Variants in OSBPL6 observed in about 807,000 individuals in gnomAD.
The protein encoded by OSBPL6 is oxysterol-binding protein-related protein 6.
In OSBPL6, 49 loss-of-function variants were observed where a neutral mutation model predicts 125.8. That is an observed-to-expected ratio of 0.39 (90% CI 0.31 to 0.49). OSBPL6 has a LOEUF of 0.49. OSBPL6 is among the 20% of genes least tolerant of loss of function. The pLI is 0.88. For synonymous variants in OSBPL6, 394 were observed against 391.8 expected, an observed-to-expected ratio of 1.01 and a Z score of -0.07; for missense variants, 986 against 1,135.4, an observed-to-expected ratio of 0.87 and a Z score of 1.89.
chr2:178,363,599 A>G (rs1310268615), intron 13 of OSBPL6, among the ~76,000 whole-genome samples: 1 of 152,176 alleles, frequency 6.6e-6, no homozygotes, highest in Non-Finnish European at 1.5e-5. Flanking sequence ...TCTTGGAGGA[A>G]TCAGACCTTG....
At chr2:178,336,165 C>G (rs964861907) in intron 8 of OSBPL6, 136 bp from the exon 9 acceptor site, 18 of 1,135,868 alleles carry the variant, frequency 1.6e-5, no homozygotes, top group Non-Finnish European at 2.2e-5. Flanking sequence ...CCACATTTAG[C>G]CAAGAGGCTT....
intron 12 of OSBPL6, among the ~76,000 whole-genome samples, chr2:178,361,194 T>C (rs933762213): frequency 2.0e-5 from 3 of 152,226 alleles, no homozygotes; most frequent in African/African-American, 7.2e-5. Context: ...CAAAACTTCT[T>C]GATCAGCCAC....
At chr2:178,205,686 A>G (rs2089489590) in intron 1 of OSBPL6, among the ~76,000 whole-genome samples, 1 of 152,210 alleles carries the variant, frequency 6.6e-6, no homozygotes, top group East Asian at 1.9e-4. Context: ...TTTCCCGTAT[A>G]TATGCCCAAG....
At chr2:178,365,974 T>C (rs1424301413) in intron 13 of OSBPL6, among the ~76,000 whole-genome samples, 5 of 152,166 alleles carry the variant, frequency 3.3e-5, no homozygotes, top group Admixed American at 2.0e-4. Context: ...CACTGCAACC[T>C]CCGCCTCCTG....
At chr2:178,249,687 T>G (rs574391577) in intron 1 of OSBPL6, among the ~76,000 whole-genome samples, 2 of 152,318 alleles carry the variant, frequency 1.3e-5, no homozygotes, top group Admixed American at 1.3e-4. Context: ...ATTTCTCCTT[T>G]AAGGCTCATT....
chr2:178,195,579 C>G (rs1358383447), intron 1 of OSBPL6, among the ~76,000 whole-genome samples: 1 of 152,192 alleles, frequency 6.6e-6, no homozygotes, highest in Non-Finnish European at 1.5e-5. Flanking sequence ...GATTTTGTGA[C>G]AATTCTATGA....
intron 8 of OSBPL6, among the ~76,000 whole-genome samples, chr2:178,333,245 T>C (rs1023323039): frequency 5.3e-5 from 8 of 152,008 alleles, no homozygotes; most frequent in Non-Finnish European, 1.0e-4. Flanking sequence ...ATTTGTCAAA[T>C]GTGATGCTGC....
chr2:178,306,383 A>G lies in OSBPL6; in HGVS notation c.102+97A>G, dbSNP rs994463851. 108 of 764,522 alleles carry G rather than the reference A, an allele frequency of 1.4e-4. No homozygotes were observed. In the East Asian group the frequency reaches 2.7e-3, roughly 19 times the overall value. The allele number at this position is 764,522 out of a possible 1,614,324, so 47.4% of individuals were successfully genotyped here. A position where few individuals can be genotyped will look rare whatever the true frequency, so the allele number is the denominator to read the frequency against. On this transcript the variant is annotated intron_variant, in intron 3 of 24. Coordinates refer to ENST00000190611, the MANE Select transcript of OSBPL6 (RefSeq NM_032523.4). ...CTAATTAATTCTGAAATTTTGTTGT[A>G]AAGTCTTTTATTCCAAGTGAAAAAT...
chr2:178,314,312 G>A (rs1687553699), intron 3 of OSBPL6, among the ~76,000 whole-genome samples: 1 of 152,216 alleles, frequency 6.6e-6, no homozygotes, highest in Admixed American at 6.5e-5. Flanking sequence ...TACCAGTAAG[G>A]AGGAATATAA....
intron 12 of OSBPL6, among the ~76,000 whole-genome samples, chr2:178,352,919 T>C (rs1429386405): frequency 6.6e-6 from 1 of 152,174 alleles, no homozygotes; most frequent in Admixed American, 6.5e-5. Context: ...ATATTTGCTG[T>C]TCTGCAGCCT....
At position 178,389,122 on chromosome 2, in the gene OSBPL6, G is replaced by C. The variant is rs377535498; in HGVS notation, c.2270G>C (p.Ser757Thr). 1.2e-6 allele frequency: 2 copies of C among 1,613,702 alleles called. No individual in the cohort carries two copies. The highest frequency in any genetic ancestry group is 1.7e-6 in the Non-Finnish European group (2 of 1,179,958). The change falls in exon 21 of 25, where the codon AGT becomes ACT. Residue 757 changes from serine to threonine, a missense_variant. By Grantham distance (58) the Ser-to-Thr change is moderately conservative. Coordinates refer to ENST00000190611, the MANE Select transcript of OSBPL6 (RefSeq NM_032523.4). Reference protein sequence around the residue: ...GEVTIRNTKSSVCICKLTFVK... With the variant: ...GEVTIRNTKSTVCICKLTFVK... Reference sequence around the variant, plus strand: ...GTAACCATCAGAAATACCAAAAGCAGTGTTTGCATTTGCAAACTCACATTT... The same window carrying C: ...GTAACCATCAGAAATACCAAAAGCACTGTTTGCATTTGCAAACTCACATTT...
At chr2:178,366,493 G>A (rs1005949829) in intron 13 of OSBPL6, among the ~76,000 whole-genome samples, 6 of 152,044 alleles carry the variant, frequency 3.9e-5, no homozygotes, top group African/African-American at 9.7e-5. Flanking sequence ...ATTATTACAT[G>A]CATCATCATT....
intron 1 of OSBPL6, among the ~76,000 whole-genome samples, chr2:178,201,977 A>G (rs930153597): frequency 1.3e-5 from 2 of 152,206 alleles, no homozygotes; most frequent in Admixed American, 6.5e-5. Context: ...CAGAATCCAG[A>G]TAGACTTTGG....
chr2:178,252,127 A>G (rs1422986704), intron 1 of OSBPL6, among the ~76,000 whole-genome samples: 3 of 68,968 alleles, frequency 4.3e-5, no homozygotes, highest in Admixed American at 3.4e-4. Context: ...GTTGCCAAAA[A>G]GGTATAAAAA....
At chr2:178,340,216 T>G (rs766991727) in intron 11 of OSBPL6, among the ~76,000 whole-genome samples, 36 of 152,186 alleles carry the variant, frequency 2.4e-4, no homozygotes, top group Non-Finnish European at 4.3e-4. Context: ...CAAACCCAGA[T>G]TCTAGTCTAA....
intron 15 of OSBPL6, among the ~76,000 whole-genome samples, chr2:178,378,038 A>G (rs981805523): frequency 4.6e-5 from 7 of 152,138 alleles, no homozygotes; most frequent in Non-Finnish European, 1.0e-4. Context: ...CATGTTGGCC[A>G]GGTTGGTCTT....
chr2:178,210,092 TCA>T (rs2089775246), intron 1 of OSBPL6, among the ~76,000 whole-genome samples: 1 of 152,182 alleles, frequency 6.6e-6, no homozygotes, highest in African/African-American at 2.4e-5. Context: ...TGATCTTGGC[TCA>T]CTGCAACCTC....
At position 178,384,228 on chromosome 2, in the gene OSBPL6, G is replaced by A. The variant is rs750777479; in HGVS notation, c.2013+52G>A. The A allele has an allele frequency of 1.6e-5, 25 of 1,574,334 alleles. No individual in the cohort carries two copies. The South Asian group carries it at 1.6e-4, about 10-fold the overall frequency. On this transcript the variant is annotated intron_variant, in intron 18 of 24. Transcript: ENST00000190611. ...TTCTATATAGGTAAGAGGACAGTTC[G>A]GTGATGAAAGCACCATTTCGATAAC...
intron 21 of OSBPL6, 82 bp downstream of exon 21, chr2:178,389,235 C>A (rs1695201578): frequency 1.5e-6 from 2 of 1,354,762 alleles, no homozygotes. Context: ...CCTTAAATAG[C>A]AGCAAGTGAA....
Sources: gnomAD v4.1 joint callset for allele counts (sites outside exome capture counted in the v4.1 genomes callset) on GRCh38, gnomAD v4.1.1 for gene constraint, MANE v1.5 for transcripts, NCBI Gene and HGNC (gene_info 2026-07-23, HGNC 2026-07-21) for gene names.